The following AGRN variants were observed in gnomAD, a reference collection of about 807,000 sequenced individuals.
The protein encoded by AGRN is agrin proteoglycan.
Under a neutral mutation model 211.0 loss-of-function variants are expected in AGRN, and 106 were observed. The ratio of observed to expected loss-of-function variants is 0.50; its 90% CI spans 0.43 to 0.59. The LOEUF (loss-of-function observed/expected upper bound fraction) is 0.59. Ranked by LOEUF, AGRN falls within the 20% of genes least tolerant of loss-of-function variation. The pLI is 0.00. For missense variants in AGRN, 3,040 were observed against 2,982.6 expected (o/e 1.02, Z -0.45); for synonymous variants, 1,525 against 1,332.5 (o/e 1.14, Z -3.15).
Position 1,036,394 on chromosome 1 carries a change from A to G in AGRN, c.511+1070A>G, listed in dbSNP as rs560359499. On this transcript the variant is annotated intron_variant, in intron 3 of 35. Transcript: ENST00000379370. ...TTCCCTCGGAGTGTGGAGTTTAGGC[A>G]CCTGGGAACCGGAGCTGGATTCAGG... Among the ~76,000 whole-genome samples the G allele has an allele frequency of 1.4e-4, 21 of 152,112 alleles. No individual in the cohort carries two copies. In the South Asian group the frequency reaches 4.1e-3, roughly 30 times the overall value.
At position 1,054,104 on chromosome 1, in the gene AGRN, A is replaced by G. The variant is rs991173635; in HGVS notation, c.5876+127A>G. The G allele has an allele frequency of 1.4e-4, 143 of 1,041,504 alleles. 1 individual carries two copies. The Middle Eastern group carries it at 2.4e-3, about 17-fold the overall frequency. 64.5% of individuals were successfully genotyped at this position (1,041,504 alleles called of 1,614,324 possible). A position where few individuals can be genotyped will look rare whatever the true frequency, so the allele number is the denominator to read the frequency against. ...ACGCCTTGCTGCCTGAGCCGAGGTC[A>G]CTGCCAGTGGGAGGAGGAAGGGCCA... On this transcript the variant is annotated intron_variant, in intron 34 of 35. Coordinates refer to ENST00000379370, the MANE Select transcript of AGRN (RefSeq NM_198576.4).
intron 2 of AGRN, among the ~76,000 whole-genome samples, chr1:1,027,707 A>C (rs1644549967): frequency 1.3e-5 from 2 of 152,098 alleles, no homozygotes; most frequent in Admixed American, 1.3e-4. Context: ...CTCGAGACTG[A>C]CACAGATGCC....
At chr1:1,023,240 G>A (rs1233236227) in intron 2 of AGRN, among the ~76,000 whole-genome samples, 14 of 152,336 alleles carry the variant, frequency 9.2e-5, no homozygotes, top group East Asian at 5.8e-4. Context: ...GATCTGCTCC[G>A]TTGGCCGGCA....
At position 1,051,936 on chromosome 1, in the gene AGRN, C is replaced by T. The variant is rs575107637; in HGVS notation, c.5651+121C>T. ...CGGTGCTGCCACCTCTGTCCTCCCG[C>T]CTCTCTCTCACCTCCCGGTCCTCCC... On this transcript the variant is annotated intron_variant, in intron 33 of 35. Transcript: ENST00000379370. 8 of 1,549,374 alleles carry T rather than the reference C, an allele frequency of 5.2e-6. No homozygotes were observed. The South Asian group carries it at 9.6e-5, about 19-fold the overall frequency.
chr1:1,049,082 C>T (rs759362532), intron 24 of AGRN, 23 bp downstream of exon 24: 157 of 973,112 alleles, frequency 1.6e-4, no homozygotes, highest in East Asian at 5.8e-4. Context: ...GGGACGGGGC[C>T]GGGGCAGCTC....
chr1:1,053,779 TTGAAC>T lies in AGRN; in HGVS notation c.5682_5686del (p.Leu1895ProfsTer4), dbSNP rs1239926133. On this transcript the variant is annotated frameshift_variant, in exon 34 of 36. Transcript: ENST00000379370. LOFTEE classifies it high-confidence loss of function. ...GAGAAGGCACTGCAGAGCAACCACT[TTGAAC>T]TGAGCCTGCGCACTGAGGCCACGCA... 6.2e-7 allele frequency: 1 copy of T among 1,609,074 alleles called. No homozygotes were observed.
At chr1:1,026,488 T>C (rs956887281) in intron 2 of AGRN, among the ~76,000 whole-genome samples, 7 of 152,148 alleles carry the variant, frequency 4.6e-5, no homozygotes, top group African/African-American at 1.7e-4. Flanking sequence ...GCTTCCTTCC[T>C]GAAGGGCTGA....
At chr1:1,027,165 G>T (rs541022657) in intron 2 of AGRN, among the ~76,000 whole-genome samples, 2 of 152,258 alleles carry the variant, frequency 1.3e-5, no homozygotes, top group African/African-American at 2.4e-5. Flanking sequence ...GAGCAGAGGC[G>T]TGGGAGAAGG....
chr1:1,049,047 G>T lies in AGRN; in HGVS notation c.4286G>T (p.Arg1429Leu). The T allele has an allele frequency of 1.3e-6, 2 of 1,554,838 alleles. No homozygotes were observed. The highest frequency in any genetic ancestry group is 2.4e-5 in the East Asian group (1 of 41,862). Residue 1429 changes from arginine to leucine, a missense_variant, in exon 24 of 36, where the codon CGC (arginine) becomes CTC (leucine). By Grantham distance (102) the Arg-to-Leu change is moderately radical (BLOSUM62 -2). Transcript: ENST00000379370. ...CTGGCATTGGCGCTGCTAGATGGCC[G>T]CGTGCAGCTCAGGTGGGCGGGGAGG... is the stretch of plus-strand genomic sequence containing the variant. ...DFLALALLDG[R>L]VQLRFDTGSG... is the part of the protein sequence containing the mutation.
chr1:1,054,428 C>T lies in AGRN; in HGVS notation c.5877-20C>T, dbSNP rs903166378. The T allele has an allele frequency of 1.9e-6, 3 of 1,557,432 alleles. No homozygotes were observed. Among genetic ancestry groups the T allele is most frequent in the East Asian group, 2.4e-5 (1 of 42,102 alleles). On this transcript the variant is annotated intron_variant, in intron 34 of 35. Transcript: ENST00000379370. The stretch of plus-strand genomic sequence containing the variant: ...AGGGAACTCTGGGCCCTGATGGTCT[C>T]CCCCTCCCTGCACACCCAGGGAGCA...
rs1272682235 is a variant in AGRN, at chr1:1,043,486, G to C, written c.1603+29G>C. On this transcript the variant is annotated intron_variant, in intron 8 of 35. Coordinates refer to ENST00000379370, the MANE Select transcript of AGRN (RefSeq NM_198576.4). ...AGTGGCGGGTGAGGGGTCTGGTGGG[G>C]GTCGGGGAGAGAGAGGTTCCTGGTC... The C allele has an allele frequency of 3.7e-6, 6 of 1,600,472 alleles. No individual in the cohort carries two copies. The Admixed American group carries it at 1.0e-4, about 27-fold the overall frequency.
chr1:1,039,418 G>GGGC (rs143039255), intron 3 of AGRN, among the ~76,000 whole-genome samples: 1 of 151,256 alleles, frequency 6.6e-6, no homozygotes, highest in African/African-American at 2.4e-5. Flanking sequence ...AGATGGGGGG[G>GGGC]GTTCCTCCTG....
chr1:1,028,021 C>T (rs1189804326), intron 2 of AGRN, among the ~76,000 whole-genome samples: 1 of 152,184 alleles, frequency 6.6e-6, no homozygotes, highest in African/African-American at 2.4e-5. Context: ...CCAGGGGAGG[C>T]TGGGGTGTGA....
chr1:1,022,962 T>C (rs550433856), intron 2 of AGRN, among the ~76,000 whole-genome samples: 1 of 152,350 alleles, frequency 6.6e-6, no homozygotes, highest in East Asian at 1.9e-4. Context: ...GCTGTTCCCA[T>C]GGCTCTGCCG....
Position 1,053,861 on chromosome 1 carries a change from A to G in AGRN, c.5760A>G (p.Ala1920=). The G allele has an allele frequency of 1.9e-6, 3 of 1,610,506 alleles. No homozygotes were observed. The highest frequency in any genetic ancestry group is 1.3e-5 in the African/African-American group (1 of 75,050). Reference sequence around the variant, plus strand: ...CCACGGAGCGGGCAGACTATGTGGCACTGGCCATTGTGGACGGGCACCTGC... The same window carrying G: ...CCACGGAGCGGGCAGACTATGTGGCGCTGGCCATTGTGGACGGGCACCTGC... ...GKATERADYV[A]LAIVDGHLQL... Residue 1920 remains alanine (A), a synonymous_variant, in exon 34 of 36, where the codon GCA becomes GCG. Coordinates refer to ENST00000379370, the MANE Select transcript of AGRN (RefSeq NM_198576.4).
At position 1,048,746 on chromosome 1, in the gene AGRN, A is replaced by G. The variant is rs1645175329; in HGVS notation, c.4106-121A>G. 2 of 1,248,964 alleles carry G rather than the reference A, an allele frequency of 1.6e-6. No homozygotes were observed. Among genetic ancestry groups the G allele is most frequent in the Non-Finnish European group, 2.1e-6 (2 of 930,256 alleles). 77.4% of individuals were successfully genotyped at this position (1,248,964 alleles called of 1,614,324 possible). Reference sequence around the variant, plus strand: ...CGCGCCACTGCACTCCAGCCGGGGCAAAAAGAGCAAAACTCCGTCTCAAAA... The same window carrying G: ...CGCGCCACTGCACTCCAGCCGGGGCGAAAAGAGCAAAACTCCGTCTCAAAA... On this transcript the variant is annotated intron_variant, in intron 23 of 35. Transcript: ENST00000379370. The surrounding 1 kb of genome is among the most constrained non-coding windows in gnomAD (Gnocchi z 5.9).
chr1:1,023,608 C>T (rs547009570), intron 2 of AGRN, among the ~76,000 whole-genome samples: 22 of 152,168 alleles, frequency 1.4e-4, no homozygotes, highest in South Asian at 1.0e-3. Flanking sequence ...GGGGTTAGGG[C>T]GAGGAGAGGT....
At position 1,054,430 on chromosome 1, in the gene AGRN, C is replaced by A; in HGVS notation, c.5877-18C>A. The A allele has an allele frequency of 6.4e-7, 1 of 1,558,282 alleles. No homozygotes were observed. ...GGAACTCTGGGCCCTGATGGTCTCC[C>A]CCTCCCTGCACACCCAGGGAGCAGA... On this transcript the variant is annotated intron_variant, in intron 34 of 35. Coordinates refer to ENST00000379370, the MANE Select transcript of AGRN (RefSeq NM_198576.4).
At position 1,049,263 on chromosome 1, in the gene AGRN, G is replaced by A; in HGVS notation, c.4326G>A (p.Val1442=). The A allele has an allele frequency of 6.3e-7, 1 of 1,593,080 alleles. No homozygotes were observed. The highest frequency in any genetic ancestry group is 8.5e-7 in the Non-Finnish European group (1 of 1,176,498). The part of the protein sequence containing the change: ...LRFDTGSGPA[V]LTSAVPVEPG... ...TTGACACAGGTTCGGGGCCGGCGGTGCTGACCAGTGCCGTGCCGGTAGAGC... is the reference window on the plus strand; with the variant it reads ...TTGACACAGGTTCGGGGCCGGCGGTACTGACCAGTGCCGTGCCGGTAGAGC... The change falls in exon 25 of 36, where the codon GTG becomes GTA. Residue 1442 remains valine (V), a synonymous_variant. Coordinates refer to ENST00000379370, the MANE Select transcript of AGRN (RefSeq NM_198576.4).
Sources: gnomAD v4.1 joint callset for allele counts (sites outside exome capture counted in the v4.1 genomes callset) on GRCh38, gnomAD v4.1.1 for gene constraint, Gnocchi (gnomAD v3.1) non-coding constraint, MANE v1.5 for transcripts, NCBI Gene and HGNC (gene_info 2026-07-23, HGNC 2026-07-21) for gene names.